DTHD1: variants seen among roughly 807,000 people sequenced by gnomAD.
DTHD1 encodes the protein death domain-containing protein 1.
DTHD1 carries 59 observed loss-of-function variants against 74.8 expected under a neutral mutation model. The ratio of observed to expected loss-of-function variants is 0.79; its 90% CI spans 0.64 to 0.98. The LOEUF (loss-of-function observed/expected upper bound fraction) is 0.98. Ranked by LOEUF, DTHD1 falls within the 50% of genes least tolerant of loss-of-function variation. The pLI, the probability that DTHD1 is intolerant of heterozygous loss-of-function variation, is 0.00. For synonymous variants in DTHD1, 365 were observed against 371.1 expected, an observed-to-expected ratio of 0.98 and a Z score of 0.19; for missense variants, 1,051 against 1,065.4, an observed-to-expected ratio of 0.99 and a Z score of 0.19.
At chr4:36,304,455 T>C (rs1381734980) in intron 5 of DTHD1, among the ~76,000 whole-genome samples, 1 of 152,190 alleles carries the variant, frequency 6.6e-6, no homozygotes, top group Non-Finnish European at 1.5e-5. Flanking sequence ...ACATATTAAA[T>C]CAAGTTCAGT....
intron 8 of DTHD1, among the ~76,000 whole-genome samples, chr4:36,324,653 C>T (rs78423569): frequency 0.034 from 5,210 of 151,940 alleles, 144 homozygotes; most frequent in South Asian, 0.13. Flanking sequence ...TCTGTAAGGC[C>T]TAAAAGTGAT....
At chr4:36,329,655 T>G (rs1758555369) in intron 8 of DTHD1, among the ~76,000 whole-genome samples, 1 of 152,206 alleles carries the variant, frequency 6.6e-6, no homozygotes, top group African/African-American at 2.4e-5. Context: ...TTTCCCAAAT[T>G]TTGGAATTGC....
chr4:36,292,337 GAA>G (rs982558468), intron 3 of DTHD1, among the ~76,000 whole-genome samples: 19 of 152,256 alleles, frequency 1.2e-4, no homozygotes, highest in Non-Finnish European at 2.1e-4. Flanking sequence ...AAGAGAAAGA[GAA>G]AGAGAGAGCG....
Position 36,308,383 on chromosome 4 carries a change from A to C in DTHD1, c.1985A>C (p.Lys662Thr). ...TCCAAAGATTTAAGCCAGGTGCTTAAGGACCTGCACTTGGAAGGGTTTGGA... is the reference window on the plus strand; with the variant it reads ...TCCAAAGATTTAAGCCAGGTGCTTACGGACCTGCACTTGGAAGGGTTTGGA... The part of the protein sequence containing the change: ...VPSKDLSQVL[K>T]DLHLEGFGGP... Residue 662 changes from lysine (K) to threonine (T), a missense_variant, in exon 7 of 10, where the codon AAG becomes ACG. Transcript: ENST00000639862. 1 of 1,551,846 alleles carries C rather than the reference A, an allele frequency of 6.4e-7. No homozygotes were observed. The highest frequency in any genetic ancestry group is 1.2e-5 in the South Asian group (1 of 84,062).
In DTHD1 at chr4:36,284,405, G is replaced by C. The variant is rs1287255876; in HGVS notation, c.701G>C (p.Gly234Ala). 6.5e-7 allele frequency: 1 copy of C among 1,537,088 alleles called. No individual in the cohort carries two copies. Among genetic ancestry groups the C allele is most frequent in the East Asian group, 2.4e-5 (1 of 40,902 alleles). Reference sequence around the variant, plus strand: ...CACATGACTGTTGAGAACATAAATGGCAACAGGGAAGAGACTCATGGCATA... The same window carrying C: ...CACATGACTGTTGAGAACATAAATGCCAACAGGGAAGAGACTCATGGCATA... Reference protein sequence around the residue: ...IEHMTVENINGNREETHGIIQ... With the variant: ...IEHMTVENINANREETHGIIQ... Residue 234 changes from glycine to alanine, a missense_variant, in exon 2 of 10, where the codon GGC becomes GCC. Coordinates refer to ENST00000639862, the MANE Select transcript of DTHD1 (RefSeq NM_001170700.3).
At position 36,284,706 on chromosome 4, in the gene DTHD1, T is replaced by C. The variant is rs566100344; in HGVS notation, c.887+115T>C. 115 of 844,832 alleles carry C rather than the reference T, an allele frequency of 1.4e-4. No homozygotes were observed. The African/African-American group carries it at 1.6e-3, about 12-fold the overall frequency. 52.3% of individuals were successfully genotyped at this position (844,832 alleles called of 1,614,324 possible). On this transcript the variant is annotated intron_variant, in intron 2 of 9. Transcript: ENST00000639862. ...CTACAACAAAACATCATAAAGTGAG[T>C]AGCTTTTAAACAACAGATATTTATC...
chr4:36,291,296 T>G (rs1756062838), intron 3 of DTHD1, among the ~76,000 whole-genome samples: 1 of 152,218 alleles, frequency 6.6e-6, no homozygotes, highest in Non-Finnish European at 1.5e-5. Flanking sequence ...GGGAAAATTA[T>G]GTAAACTTGC....
Position 36,290,520 on chromosome 4 carries a change from C to G in DTHD1, c.1035C>G (p.Asn345Lys). The change falls in exon 3 of 10, where the codon AAC becomes AAG. Residue 345 changes from asparagine to lysine, a missense_variant. Asn to Lys is a moderately conservative substitution (Grantham distance 94, BLOSUM62 0). Transcript: ENST00000639862. Reference protein sequence around the residue: ...IVGDNEELVSNVITIECSDKE... With the variant: ...IVGDNEELVSKVITIECSDKE... ...GTGATAATGAAGAGTTAGTTAGCAA[C>G]GTCATAACTATTGAATGCTCAGATA... 1 of 1,551,494 alleles carries G rather than the reference C, an allele frequency of 6.4e-7. No homozygotes were observed. The highest frequency in any genetic ancestry group is 8.7e-7 in the Non-Finnish European group (1 of 1,146,966).
At chr4:36,329,327 G>A (rs1490817906) in intron 8 of DTHD1, among the ~76,000 whole-genome samples, 1 of 152,128 alleles carries the variant, frequency 6.6e-6, no homozygotes, top group African/African-American at 2.4e-5. Context: ...TCAGAAGCTG[G>A]CTTCCTCAGC....
chr4:36,312,383 C>T (rs769315276), intron 7 of DTHD1, among the ~76,000 whole-genome samples: 1 of 151,596 alleles, frequency 6.6e-6, no homozygotes, highest in South Asian at 2.1e-4. Flanking sequence ...ATTTGCTCAA[C>T]AAAAATTTGT....
chr4:36,299,578 T>C (rs1313661497), intron 5 of DTHD1, among the ~76,000 whole-genome samples: 1 of 152,214 alleles, frequency 6.6e-6, no homozygotes, highest in Non-Finnish European at 1.5e-5. Context: ...TCTGAAAAGT[T>C]CTTATGTGCT....
chr4:36,290,600 A>G lies in DTHD1; in HGVS notation c.1115A>G (p.Tyr372Cys), dbSNP rs1756018131. The change falls in exon 3 of 10, where the codon TAC becomes TGC. Residue 372 changes from tyrosine (Y) to cysteine (C), a missense_variant. Coordinates refer to ENST00000639862, the MANE Select transcript of DTHD1 (RefSeq NM_001170700.3). The stretch of plus-strand genomic sequence containing the variant: ...ATTGCAATTCCATTTACTGCACGTT[A>G]CAGAGGAAATTACAGAGATATCATG... ...IGIAIPFTAR[Y>C]RGNYRDIMVK... 9 of 1,551,200 alleles carry G rather than the reference A, an allele frequency of 5.8e-6. No homozygotes were observed. The highest frequency in any genetic ancestry group is 1.2e-5 in the South Asian group (1 of 84,064).
rs958947412 is a variant in DTHD1 at position 36,289,563 on chromosome 4, A to G, written c.888-810A>G. Among the ~76,000 whole-genome samples the G allele has an allele frequency of 7.0e-4, 106 of 152,158 alleles. 3 individuals carry two copies. Among genetic ancestry groups the G allele is most frequent in the Non-Finnish European group, 7.4e-5 (5 of 67,980 alleles). ...TTTTTATCTGTAAAATAATTATGTT[A>G]GTAGCACCTACCTAATACAATAGTT... On this transcript the variant is annotated intron_variant, in intron 2 of 9. Transcript: ENST00000639862.
intron 5 of DTHD1, among the ~76,000 whole-genome samples, chr4:36,296,042 A>T (rs1756376645): frequency 6.6e-6 from 1 of 152,164 alleles, no homozygotes; most frequent in African/African-American, 2.4e-5. Flanking sequence ...AACATGGCAA[A>T]CTGAAATGTA....
At chr4:36,296,912 T>C (rs1028050839) in intron 5 of DTHD1, among the ~76,000 whole-genome samples, 1 of 152,146 alleles carries the variant, frequency 6.6e-6, no homozygotes, top group African/African-American at 2.4e-5. Context: ...GAACTGCTTA[T>C]AGCCTACGGT....
At chr4:36,319,664 T>C (rs1702872469) in intron 8 of DTHD1, among the ~76,000 whole-genome samples, 1 of 152,202 alleles carries the variant, frequency 6.6e-6, no homozygotes, top group Non-Finnish European at 1.5e-5. Flanking sequence ...ACGACAGACA[T>C]GAAGTCCAAA....
At position 36,290,658 on chromosome 4, in the gene DTHD1, T is replaced by C. The variant is rs1560787251; in HGVS notation, c.1173T>C (p.Ser391=). 6.5e-7 allele frequency: 1 copy of C among 1,545,656 alleles called. No homozygotes were observed. The highest frequency in any genetic ancestry group is 1.2e-5 in the South Asian group (1 of 84,038). The change falls in exon 3 of 10, where the codon AGT becomes AGC. Residue 391 remains serine, a synonymous_variant. Coordinates refer to ENST00000639862, the MANE Select transcript of DTHD1 (RefSeq NM_001170700.3). ...TGTGTGACATAAACCTTCAATCAAG[T>C]TACCTAAACCCAAATTCACTAGAAG... ...VKVCDINLQS[S]YLNPNSLEGM... is the part of the protein sequence containing the mutation.
At chr4:36,311,749 C>T (rs1757423655) in intron 7 of DTHD1, 1 of 151,700 alleles carries the variant, frequency 6.6e-6, no homozygotes, top group Non-Finnish European at 1.5e-5. Context: ...AGTCTCCATC[C>T]TATTGGAGGG....
chr4:36,316,649 C>T (rs76071371), intron 8 of DTHD1, among the ~76,000 whole-genome samples, 163 bp downstream of exon 8: 5,216 of 152,160 alleles, frequency 0.034, 145 homozygotes, highest in South Asian at 0.13. Context: ...TATTAGAAAA[C>T]ATGTTAGGAT....
Sources: gnomAD v4.1 joint callset for allele counts (sites outside exome capture counted in the v4.1 genomes callset) on GRCh38, gnomAD v4.1.1 for gene constraint, MANE v1.5 for transcripts, NCBI Gene and HGNC (gene_info 2026-07-23, HGNC 2026-07-21) for gene names.